SYT3: variants seen among roughly 807,000 people sequenced by gnomAD.
The protein encoded by SYT3 is synaptotagmin-3.
Under a neutral mutation model 50.6 loss-of-function variants are expected in SYT3, and 25 were observed. The observed-to-expected ratio is 0.49, with a 90% CI of 0.36 to 0.69. The LOEUF is 0.69. SYT3 is among the 30% of genes least tolerant of loss of function. The pLI is 0.00. For missense variants in SYT3, 589 were observed against 793.6 expected (o/e 0.74, Z 3.10); for synonymous variants, 323 against 353.9 (o/e 0.91, Z 0.98).
At chr19:50,645,367 G>A in the SYT3 span, among the ~76,000 whole-genome samples, 3 of 151,990 alleles carry the variant, frequency 2.0e-5, no homozygotes, top group Non-Finnish European at 2.9e-5. Flanking sequence ...GCAGAGAGAT[G>A]GGGAAATAGG....
chr19:50,653,722 A>G, the SYT3 span, among the ~76,000 whole-genome samples: 118 of 146,002 alleles, frequency 8.1e-4, no homozygotes, highest in Non-Finnish European at 1.3e-3. Flanking sequence ...ACACACACAC[A>G]CACACACACA....
Position 50,632,517 on chromosome 19 carries a change from G to A in SYT3, c.443C>T (p.Pro148Leu), listed in dbSNP as rs1018064840. 1.2e-6 allele frequency: 2 copies of A among 1,609,724 alleles called. No homozygotes were observed. Among genetic ancestry groups the A allele is most frequent in the Non-Finnish European group, 1.7e-6 (2 of 1,178,754 alleles). ...GGTGTCAGAACCCCCCAGGCTGCCT[G>A]GCTCCAGCAGCTCAGCAAAGGGTGG... ...HHPPFAELLE[P>L]GSLGGSDTPE... The change falls in exon 4 of 11, where the codon CCA (proline) becomes CTA (leucine). Residue 148 changes from proline (P) to leucine (L), a missense_variant. Physicochemically the swap from Pro to Leu is moderately conservative, Grantham distance 98 (BLOSUM62 -3). Around this residue, in one of 2 missense-constraint regions of SYT3, gnomAD observed 316 missense variants for 354.3 expected, o/e 0.89. Transcript: ENST00000600079. The surrounding 1 kb of genome is among the most constrained non-coding windows in gnomAD (Gnocchi z 4.7).
chr19:50,632,195 A>G lies in SYT3; in HGVS notation c.674+91T>C, dbSNP rs1984330596. 8 of 1,384,344 alleles carry G rather than the reference A, an allele frequency of 5.8e-6. No homozygotes were observed. The South Asian group carries it at 9.5e-5, about 16-fold the overall frequency. The allele number at this position is 1,384,344 out of a possible 1,614,324, so 85.8% of individuals were successfully genotyped here. On this transcript the variant is annotated intron_variant, in intron 4 of 10. Transcript: ENST00000600079. The surrounding 1 kb of genome is among the most constrained non-coding windows in gnomAD (Gnocchi z 4.7). Reference sequence around the variant, plus strand: ...AGTCAATACCCCGATTCCCCTCCAAATCCCGAACTCATAAGAGCTATAGAT... The same window carrying G: ...AGTCAATACCCCGATTCCCCTCCAAGTCCCGAACTCATAAGAGCTATAGAT...
chr19:50,655,565 C>T, the SYT3 span, among the ~76,000 whole-genome samples: 2 of 151,868 alleles, frequency 1.3e-5, no homozygotes, highest in Non-Finnish European at 2.9e-5. Flanking sequence ...AGGAGAATGG[C>T]GTGAACCCGG....
In SYT3 at chr19:50,625,035, C is replaced by T; in HGVS notation, c.1707+127G>A. ...CTAAGCCGCACAGCTAAAGTTGGCA[C>T]AGCAGGGATTGAAACCTAGGACGCC... On this transcript the variant is annotated intron_variant, in intron 9 of 10. Transcript: ENST00000600079. The surrounding 1 kb of genome is among the most constrained non-coding windows in gnomAD (Gnocchi z 7.5). 1 of 1,078,412 alleles carries T rather than the reference C, an allele frequency of 9.3e-7. No individual in the cohort carries two copies. The highest frequency in any genetic ancestry group is 1.2e-6 in the Non-Finnish European group (1 of 814,770). The allele number at this position is 1,078,412 out of a possible 1,614,324, so 66.8% of individuals were successfully genotyped here.
upstream of SYT3, among the ~76,000 whole-genome samples, chr19:50,644,478 A>G (rs1378531358): frequency 6.6e-6 from 1 of 151,788 alleles, no homozygotes; most frequent in Admixed American, 6.6e-5. Flanking sequence ...GGATGGATAG[A>G]GGATAGATTG....
In SYT3 at chr19:50,632,689, C is replaced by A; in HGVS notation, c.271G>T (p.Val91Leu). 6.3e-7 allele frequency: 1 copy of A among 1,590,934 alleles called. No homozygotes were observed. Among genetic ancestry groups the A allele is most frequent in the South Asian group, 1.1e-5 (1 of 89,804 alleles). ...VPWRDKGGSA[V>L]GGGPLRKDLG... is the part of the protein sequence containing the mutation. Reference sequence around the variant, plus strand: ...TCTTTGCGCAGGGGGCCACCGCCCACTGCCGAGCCTCCCTTGTCCCGCCAG... The same window carrying A: ...TCTTTGCGCAGGGGGCCACCGCCCAATGCCGAGCCTCCCTTGTCCCGCCAG... Residue 91 changes from valine (V) to leucine (L), a missense_variant, in exon 4 of 11, where the codon GTG becomes TTG. Physicochemically the swap from Val to Leu is conservative, Grantham distance 32 (BLOSUM62 1). Around this residue, in one of 2 missense-constraint regions of SYT3, gnomAD observed 316 missense variants for 354.3 expected, o/e 0.89. Coordinates refer to ENST00000600079, the MANE Select transcript of SYT3 (RefSeq NM_001160329.2). The surrounding 1 kb of genome is among the most constrained non-coding windows in gnomAD (Gnocchi z 4.7).
rs1984337801 is a variant in SYT3, at chr19:50,632,350, TG to T, written c.609del (p.Ser204ValfsTer35). The T allele has an allele frequency of 6.2e-7, 1 of 1,608,498 alleles. No individual in the cohort carries two copies. The highest frequency in any genetic ancestry group is 8.5e-7 in the Non-Finnish European group (1 of 1,175,698). ...TGGGCACTGGGCAAGCCCCCACCAC[TG>T]GGGGGCAGCAGGAGCAACCCAGAGC... is the stretch of plus-strand genomic sequence containing the variant. ...GAGSGLLLLP[P>X]SGGGLPSAQS... On this transcript the variant is annotated frameshift_variant, in exon 4 of 11. Coordinates refer to ENST00000600079, the MANE Select transcript of SYT3 (RefSeq NM_001160329.2). LOFTEE classifies it high-confidence loss of function. The surrounding 1 kb of genome is among the most constrained non-coding windows in gnomAD (Gnocchi z 4.7).
At chr19:50,645,371 A>T in the SYT3 span, among the ~76,000 whole-genome samples, 2 of 152,130 alleles carry the variant, frequency 1.3e-5, no homozygotes, top group Admixed American at 6.5e-5. Flanking sequence ...AGAGATGGGG[A>T]AATAGGCAAA....
At chr19:50,654,967 T>C in the SYT3 span, among the ~76,000 whole-genome samples, 2 of 152,182 alleles carry the variant, frequency 1.3e-5, no homozygotes, top group Non-Finnish European at 2.9e-5. Context: ...GCTTGCCATA[T>C]CTGAACATGG....
In SYT3 at chr19:50,625,775, CAGGAGT is replaced by C; in HGVS notation, c.1402+116_1402+121del. The C allele has an allele frequency of 1.5e-4, 94 of 629,008 alleles. 18 individuals are homozygous for C. Among genetic ancestry groups the C allele is most frequent in the Middle Eastern group, 4.4e-4 (1 of 2,282 alleles). 39.0% of individuals were successfully genotyped at this position (629,008 alleles called of 1,614,324 possible). On this transcript the variant is annotated intron_variant, in intron 7 of 10. Coordinates refer to ENST00000600079, the MANE Select transcript of SYT3 (RefSeq NM_001160329.2). This position sits in a 1 kb window ranked among gnomAD's most constrained non-coding sequence, Gnocchi z 7.5. Reference sequence around the variant, plus strand: ...CCCCTGGCCCCTCCTCCCTCAGACCCAGGAGTCCAGATCCCCAGCTCCTCCTCCCTC... The same window carrying C: ...CCCCTGGCCCCTCCTCCCTCAGACCCCCAGATCCCCAGCTCCTCCTCCCTC...
Position 50,632,648 on chromosome 19 carries a change from G to A in SYT3, c.312C>T (p.Val104=), listed in dbSNP as rs543838609. 1.5e-5 allele frequency: 23 copies of A among 1,585,360 alleles called. No individual in the cohort carries two copies. The highest frequency in any genetic ancestry group is 1.0e-4 in the South Asian group (9 of 89,552). Residue 104 remains valine, a synonymous_variant, in exon 4 of 11, where the codon GTC becomes GTT. Transcript: ENST00000600079. The surrounding 1 kb of genome is among the most constrained non-coding windows in gnomAD (Gnocchi z 4.7). ...GPLRKDLGPG[V]GLAGLVGGGG... ...CTCCGCCTACCAGGCCTGCCAGCCCGACACCAGGGCCTAGGTCTTTGCGCA... is the reference window on the plus strand; with the variant it reads ...CTCCGCCTACCAGGCCTGCCAGCCCAACACCAGGGCCTAGGTCTTTGCGCA...
chr19:50,631,163 CTTTCTTTTTTTT>C (rs771890441), intron 4 of SYT3, among the ~76,000 whole-genome samples: 1 of 142,308 alleles, frequency 7.0e-6, no homozygotes. Context: ...TTTTTTCTTT[CTTTCTTTTTTTT>C]TTTTTTTTTT....
the SYT3 span, among the ~76,000 whole-genome samples, chr19:50,655,838 G>A: frequency 6.6e-6 from 1 of 152,212 alleles, no homozygotes; most frequent in African/African-American, 2.4e-5. Context: ...GAACCCAGCT[G>A]TTGAAGGAGA....
Position 50,639,324 on chromosome 19 carries a change from G to C in SYT3, c.-153-162C>G, listed in dbSNP as rs1370475855. The C allele has an allele frequency of 6.6e-6, 1 of 152,158 alleles. No homozygotes were observed. Among genetic ancestry groups the C allele is most frequent in the Non-Finnish European group, 1.5e-5 (1 of 68,056 alleles). The allele number at this position is 152,158 out of a possible 1,614,324, so 9.4% of individuals were successfully genotyped here. On this transcript the variant is annotated intron_variant, in intron 1 of 10. Transcript: ENST00000600079. The surrounding 1 kb of genome is among the most constrained non-coding windows in gnomAD (Gnocchi z 4.6). ...GAGACTACAATTCCCGGCAGGTCTC[G>C]CGCTCGCGCTGCTGCGGCTTCATAG...
At chr19:50,649,323 TA>T in the SYT3 span, 1 of 944,956 alleles carries the variant, frequency 1.1e-6, no homozygotes, top group Non-Finnish European at 1.6e-6. Context: ...TCTGTAATTC[TA>T]CCCCGGGGCT....
At chr19:50,651,477 T>C in the SYT3 span, among the ~76,000 whole-genome samples, 2 of 152,170 alleles carry the variant, frequency 1.3e-5, no homozygotes, top group African/African-American at 4.8e-5. Context: ...CACATTGCCC[T>C]TTATCTGAGA....
At chr19:50,655,484 A>T in the SYT3 span, among the ~76,000 whole-genome samples, 1 of 152,116 alleles carries the variant, frequency 6.6e-6, no homozygotes. Flanking sequence ...CCCCGTCTCT[A>T]CTAAAAATAC....
upstream of SYT3, among the ~76,000 whole-genome samples, chr19:50,643,418 G>T (rs1203168665): frequency 6.6e-6 from 1 of 151,060 alleles, no homozygotes; most frequent in East Asian, 2.0e-4. Context: ...CCATGATCGT[G>T]CCACTGCACT....
Sources: gnomAD v4.1 joint callset for allele counts (sites outside exome capture counted in the v4.1 genomes callset) on GRCh38, gnomAD v4.1.1 for gene constraint, gnomAD v4.1.1 regional missense constraint, Gnocchi (gnomAD v3.1) non-coding constraint, MANE v1.5 for transcripts, NCBI Gene and HGNC (gene_info 2026-07-23, HGNC 2026-07-21) for gene names.